Variants in SLIT2 observed in about 807,000 individuals in gnomAD.
The protein encoded by SLIT2 is slit guidance ligand 2.
In SLIT2, 41 loss-of-function variants were observed where a neutral mutation model predicts 185.7. The ratio of observed to expected loss-of-function variants is 0.22; its 90% CI spans 0.17 to 0.29. The LOEUF is 0.29. SLIT2 is among the 10% of genes least tolerant of loss of function. SLIT2 has a pLI of 1.00. For synonymous variants in SLIT2, 693 were observed against 680.2 expected (o/e 1.02, Z -0.29); for missense variants, 1,571 against 1,909.0 (o/e 0.82, Z 3.30).
chr4:20,292,451 T>A (rs530453770), intron 4 of SLIT2, among the ~76,000 whole-genome samples: 1 of 152,198 alleles, frequency 6.6e-6, no homozygotes, highest in East Asian at 1.9e-4. Context: ...GACAGGAGTT[T>A]GAGAGTAGCT....
rs1711528146 is a variant in SLIT2 at position 20,254,331 on chromosome 4, T to C, written c.179+337T>C. On this transcript the variant is annotated intron_variant, in intron 1 of 36. Coordinates refer to ENST00000504154, the MANE Select transcript of SLIT2 (RefSeq NM_004787.4). The surrounding 1 kb of genome is among the most constrained non-coding windows in gnomAD (Gnocchi z 5.1). The stretch of plus-strand genomic sequence containing the variant: ...CCGGGGCAAGTGAGACGCCACTTTG[T>C]TCTCCAGAGTCCATAAACGGAGTCA... Among the ~76,000 whole-genome samples the C allele has an allele frequency of 6.6e-6, 1 of 152,174 alleles. No individual in the cohort carries two copies. The highest frequency in any genetic ancestry group is 2.4e-5 in the African/African-American group (1 of 41,446).
At chr4:20,433,175 A>C (rs1054349022) in intron 4 of SLIT2, among the ~76,000 whole-genome samples, 2 of 152,196 alleles carry the variant, frequency 1.3e-5, no homozygotes, top group Non-Finnish European at 2.9e-5. Context: ...AGCCACTAGA[A>C]GCTGTTAGAA....
At chr4:20,477,731 A>G (rs1386860514) in intron 5 of SLIT2, among the ~76,000 whole-genome samples, 1 of 152,230 alleles carries the variant, frequency 6.6e-6, no homozygotes, top group East Asian at 1.9e-4. Flanking sequence ...TGCCCTTAGC[A>G]TCCAACTGTC....
intron 5 of SLIT2, among the ~76,000 whole-genome samples, chr4:20,475,566 T>C (rs997232560): frequency 6.6e-6 from 1 of 152,124 alleles, no homozygotes; most frequent in African/African-American, 2.4e-5. Flanking sequence ...CTACATACCA[T>C]GTATAACTTA....
Position 20,556,350 on chromosome 4 carries a change from A to T in SLIT2, c.2725+2382A>T, listed in dbSNP as rs150286141. 1.1e-4 allele frequency among the ~76,000 whole-genome samples: 17 copies of T among 152,118 alleles called. 1 individual carries two copies. The highest frequency in any genetic ancestry group is 4.1e-4 in the African/African-American group (17 of 41,426). Reference sequence around the variant, plus strand: ...TCATGGGGAAGTTGACAAACTGCAAACTGATTCTGTTACACCTTTCTGTGC... The same window carrying T: ...TCATGGGGAAGTTGACAAACTGCAATCTGATTCTGTTACACCTTTCTGTGC... On this transcript the variant is annotated intron_variant, in intron 26 of 36. Coordinates refer to ENST00000504154, the MANE Select transcript of SLIT2 (RefSeq NM_004787.4).
At chr4:20,278,439 C>T (rs1392120371) in intron 4 of SLIT2, among the ~76,000 whole-genome samples, 3 of 152,128 alleles carry the variant, frequency 2.0e-5, no homozygotes, top group Admixed American at 6.5e-5. Flanking sequence ...GCTCTACTTA[C>T]TTCTATCAAG....
In SLIT2 at chr4:20,268,820, A is replaced by C. The variant is rs1005313438; in HGVS notation, c.334A>C (p.Arg112=). ...LKELERLRLN[R]NHLQLFPELL... is the part of the protein sequence containing the mutation. Reference sequence around the variant, plus strand: ...TTGTTTTCTCAAAAGGCGTTTAAACAGAAATCACCTTCAGCTGTTTCCTGA... The same window carrying C: ...TTGTTTTCTCAAAAGGCGTTTAAACCGAAATCACCTTCAGCTGTTTCCTGA... The change falls in exon 4 of 37, where the codon AGA becomes CGA. Residue 112 remains arginine, a synonymous_variant. Coordinates refer to ENST00000504154, the MANE Select transcript of SLIT2 (RefSeq NM_004787.4). 1 of 1,610,530 alleles carries C rather than the reference A, an allele frequency of 6.2e-7. No homozygotes were observed.
At chr4:20,317,004 A>G (rs1338163313) in intron 4 of SLIT2, among the ~76,000 whole-genome samples, 1 of 151,542 alleles carries the variant, frequency 6.6e-6, no homozygotes, top group Non-Finnish European at 1.5e-5. Flanking sequence ...ATTAGTGGGA[A>G]AAAAATGTGT....
intron 9 of SLIT2, among the ~76,000 whole-genome samples, chr4:20,500,529 A>G (rs140314069): frequency 1.9e-3 from 290 of 152,246 alleles, no homozygotes; most frequent in Non-Finnish European, 3.3e-3. Context: ...AACACCCTCA[A>G]TATTTTATGC....
chr4:20,549,111 A>G lies in SLIT2; in HGVS notation c.2472A>G (p.Leu824=). The G allele has an allele frequency of 6.3e-7, 1 of 1,593,138 alleles. No individual in the cohort carries two copies. The highest frequency in any genetic ancestry group is 8.6e-7 in the Non-Finnish European group (1 of 1,161,514). Residue 824 remains leucine (L), a synonymous_variant, in exon 24 of 37, where the codon TTA becomes TTG. Coordinates refer to ENST00000504154, the MANE Select transcript of SLIT2 (RefSeq NM_004787.4). ...RCIPPRTFDG[L]KSLRLLSLHG... ...TTCCTCCTCGCACCTTTGATGGATT[A>G]AAGTCTCTTCGATTACTGTAAGCAT...
At chr4:20,358,915 A>G (rs1241381970) in intron 4 of SLIT2, among the ~76,000 whole-genome samples, 1 of 152,126 alleles carries the variant, frequency 6.6e-6, no homozygotes, top group Admixed American at 6.6e-5. Context: ...CATCAACTAG[A>G]TACAAAGTTT....
At chr4:20,355,609 A>G (rs1722254819) in intron 4 of SLIT2, among the ~76,000 whole-genome samples, 1 of 152,160 alleles carries the variant, frequency 6.6e-6, no homozygotes, top group South Asian at 2.1e-4. Flanking sequence ...CATTGTATGA[A>G]GCACATATGA....
chr4:20,280,396 C>T lies in SLIT2; in HGVS notation c.395+11515C>T, dbSNP rs559086285. Among the ~76,000 whole-genome samples, 4 of 151,474 alleles carry T rather than the reference C, an allele frequency of 2.6e-5. No homozygotes were observed. In the South Asian group the frequency reaches 8.3e-4, roughly 32 times the overall value. The stretch of plus-strand genomic sequence containing the variant: ...CCAAAAAGCTTTCACTAGTTACATT[C>T]CTAGCTCTGCTGATCACTAGCTGCA... On this transcript the variant is annotated intron_variant, in intron 4 of 36. Transcript: ENST00000504154.
intron 3 of SLIT2, among the ~76,000 whole-genome samples, chr4:20,260,568 G>GTTAT (rs1712346110): frequency 6.6e-6 from 1 of 151,618 alleles, no homozygotes; most frequent in Non-Finnish European, 1.5e-5. Flanking sequence ...ATATTTCATA[G>GTTAT]TTATACATTT....
intron 3 of SLIT2, among the ~76,000 whole-genome samples, chr4:20,259,375 A>G (rs1213878950): frequency 6.6e-6 from 1 of 151,664 alleles, no homozygotes; most frequent in Non-Finnish European, 1.5e-5. Context: ...TGAATAGATA[A>G]TTTAAATTAT....
In SLIT2 at chr4:20,484,327, A is replaced by T. The variant is rs924202233; in HGVS notation, c.540-1873A>T. On this transcript the variant is annotated intron_variant, in intron 6 of 36. Coordinates refer to ENST00000504154, the MANE Select transcript of SLIT2 (RefSeq NM_004787.4). This position sits in a 1 kb window ranked among gnomAD's most constrained non-coding sequence, Gnocchi z 4.3. The stretch of plus-strand genomic sequence containing the variant: ...TTAACCTTTGCATTCAAACATCAGG[A>T]TATATTTTAATGGCATTTGAAAAAG... Among the ~76,000 whole-genome samples the T allele has an allele frequency of 5.9e-5, 9 of 152,116 alleles. No individual in the cohort carries two copies. Among genetic ancestry groups the T allele is most frequent in the African/African-American group, 1.7e-4 (7 of 41,416 alleles).
At chr4:20,268,749 C>T in intron 3 of SLIT2, 61 bp from the exon 4 acceptor site, 1 of 1,013,162 alleles carries the variant, frequency 9.9e-7, no homozygotes, top group Non-Finnish European at 1.6e-6. Flanking sequence ...ACTACCAAAT[C>T]ACAGTCTCAT....
At chr4:20,308,696 A>G (rs1049210478) in intron 4 of SLIT2, among the ~76,000 whole-genome samples, 4 of 152,162 alleles carry the variant, frequency 2.6e-5, no homozygotes, top group Admixed American at 2.0e-4. Flanking sequence ...AGGCTTATAT[A>G]TACCCTTAAT....
intron 4 of SLIT2, among the ~76,000 whole-genome samples, chr4:20,388,821 A>G (rs138528791): frequency 0.034 from 4,968 of 145,308 alleles, 301 homozygotes; most frequent in African/African-American, 0.12. Flanking sequence ...TATGTAAAAT[A>G]TATATAATAT....
Sources: allele counts gnomAD v4.1 joint callset (sites outside exome capture counted in the v4.1 genomes callset), GRCh38; gene constraint gnomAD v4.1.1; non-coding constraint Gnocchi (gnomAD v3.1); transcripts MANE v1.5; gene names NCBI Gene and HGNC (gene_info 2026-07-23, HGNC 2026-07-21).